Variants in CLMN observed in about 807,000 individuals in gnomAD.
CLMN encodes calmin, also known as calmin (calponin-like, transmembrane).
Under a neutral mutation model 92.7 loss-of-function variants are expected in CLMN, and 57 were observed. That is an observed-to-expected ratio of 0.61 (90% CI 0.50 to 0.77). The LOEUF (loss-of-function observed/expected upper bound fraction) is 0.77. Ranked by LOEUF, CLMN falls within the 30% of genes least tolerant of loss-of-function variation. CLMN has a pLI of 0.00. For synonymous variants in CLMN, 466 were observed against 470.6 expected, an observed-to-expected ratio of 0.99 and a Z score of 0.13; for missense variants, 1,158 against 1,237.5, an observed-to-expected ratio of 0.94 and a Z score of 0.96.
chr14:95,310,077 A>G (rs1232128288), intron 1 of CLMN, among the ~76,000 whole-genome samples: 2 of 152,102 alleles, frequency 1.3e-5, no homozygotes, highest in Non-Finnish European at 2.9e-5. Context: ...TCAGGTTGAA[A>G]TGTGATCCGC....
chr14:95,215,229 C>T (rs934067598), intron 5 of CLMN, among the ~76,000 whole-genome samples: 23 of 152,210 alleles, frequency 1.5e-4, no homozygotes, highest in African/African-American at 4.8e-4. Flanking sequence ...AATAAGGTCT[C>T]GCCTGTTATT....
intron 4 of CLMN, among the ~76,000 whole-genome samples, chr14:95,219,867 G>A (rs912990593): frequency 2.6e-5 from 4 of 152,068 alleles, no homozygotes; most frequent in African/African-American, 9.7e-5. Flanking sequence ...GTAGTGTATT[G>A]AAAGATGTAT....
intron 1 of CLMN, 93 bp from the exon 2 acceptor site, chr14:95,230,226 C>A: frequency 3.5e-6 from 4 of 1,146,306 alleles, no homozygotes; most frequent in Non-Finnish European, 4.0e-6. Flanking sequence ...AGGTGGAGGG[C>A]AGACAGAACC....
intron 9 of CLMN, among the ~76,000 whole-genome samples, chr14:95,198,845 C>G (rs1896797413): frequency 6.6e-6 from 1 of 152,206 alleles, no homozygotes; most frequent in African/African-American, 2.4e-5. Context: ...TTTTCACAGG[C>G]CACATCCAAT....
At chr14:95,270,288 A>T (rs1289724888) in intron 1 of CLMN, among the ~76,000 whole-genome samples, 2 of 152,222 alleles carry the variant, frequency 1.3e-5, no homozygotes, top group Admixed American at 6.5e-5. Flanking sequence ...TTTTTTTTTA[A>T]GATATAATTC....
intron 1 of CLMN, among the ~76,000 whole-genome samples, chr14:95,287,084 A>T (rs1247588308): frequency 1.3e-5 from 2 of 152,202 alleles, no homozygotes; most frequent in Non-Finnish European, 2.9e-5. Flanking sequence ...GCCTTGCCTG[A>T]AGGGCCCCTT....
At chr14:95,209,520 C>T (rs748154490) in intron 7 of CLMN, 43 bp from the exon 8 acceptor site, 2 of 1,462,958 alleles carry the variant, frequency 1.4e-6, no homozygotes, top group South Asian at 1.1e-5. Context: ...TACAAACACA[C>T]ACGCTTTCAA....
intron 1 of CLMN, among the ~76,000 whole-genome samples, chr14:95,279,883 G>A (rs1347520616): frequency 2.0e-5 from 3 of 151,926 alleles, no homozygotes; most frequent in South Asian, 2.1e-4. Flanking sequence ...ATATTGAGAC[G>A]ACTAAAGAAA....
At position 95,184,587 on chromosome 14, in the gene CLMN, A is replaced by C. The variant is rs916336211; in HGVS notation, c.*6977T>G. ...GATGTGTTCTCATCAAGGTTCTCAG[A>C]ACAAGTTCTAAACACAAAGAAGCCA... On this transcript the variant is annotated 3_prime_UTR_variant, in exon 13 of 13. Coordinates refer to ENST00000298912, the MANE Select transcript of CLMN (RefSeq NM_024734.4). The C allele has an allele frequency of 6.6e-6, 1 of 152,216 alleles. No individual in the cohort carries two copies. The highest frequency in any genetic ancestry group is 2.4e-5 in the African/African-American group (1 of 41,458). The allele number at this position is 152,216 out of a possible 1,614,324, so 9.4% of individuals were successfully genotyped here.
At chr14:95,198,154 A>C (rs978985407) in intron 9 of CLMN, among the ~76,000 whole-genome samples, 6 of 133,724 alleles carry the variant, frequency 4.5e-5, no homozygotes, top group Admixed American at 3.5e-4. Flanking sequence ...GGTTTAAGTG[A>C]TTTTTCTGCC....
chr14:95,251,437 T>C (rs867438715), intron 1 of CLMN, among the ~76,000 whole-genome samples: 1 of 152,196 alleles, frequency 6.6e-6, no homozygotes, highest in Non-Finnish European at 1.5e-5. Context: ...ATTCTGAATG[T>C]CTTCGATTGT....
intron 5 of CLMN, among the ~76,000 whole-genome samples, chr14:95,215,224 G>A (rs1897302011): frequency 6.6e-6 from 1 of 152,144 alleles, no homozygotes; most frequent in East Asian, 1.9e-4. Context: ...AGAACAATAA[G>A]GTCTCGCCTG....
At position 95,193,983 on chromosome 14, in the gene CLMN, C is replaced by T. The variant is rs1051093357; in HGVS notation, c.2770-64G>A. The T allele has an allele frequency of 5.3e-5, 85 of 1,593,102 alleles. 1 individual carries two copies. The Middle Eastern group carries it at 1.5e-3, about 28-fold the overall frequency. Reference sequence around the variant, plus strand: ...ATTAGTAAAGATGAAATCTCTGAAACAGAAGATAAAACGATTTTAAACACA... The same window carrying T: ...ATTAGTAAAGATGAAATCTCTGAAATAGAAGATAAAACGATTTTAAACACA... On this transcript the variant is annotated intron_variant, in intron 11 of 12. Transcript: ENST00000298912.
chr14:95,185,761 C>G lies in CLMN; in HGVS notation c.*5803G>C, dbSNP rs796139344. The G allele has an allele frequency of 2.6e-5, 4 of 152,034 alleles. No homozygotes were observed. The highest frequency in any genetic ancestry group is 7.2e-5 in the African/African-American group (3 of 41,460). 9.4% of individuals were successfully genotyped at this position (152,034 alleles called of 1,614,324 possible). A position where few individuals can be genotyped will look rare whatever the true frequency, so the allele number is the denominator to read the frequency against. ...GCAGTGGAGACCCCCAGGAAGGTGTCTCCAAGCAGAAGGGAGAGAGAGGCC... is the reference window on the plus strand; with the variant it reads ...GCAGTGGAGACCCCCAGGAAGGTGTGTCCAAGCAGAAGGGAGAGAGAGGCC... On this transcript the variant is annotated 3_prime_UTR_variant, in exon 13 of 13. Transcript: ENST00000298912.
chr14:95,196,506 A>G lies in CLMN; in HGVS notation c.2700T>C (p.Ile900=). The change falls in exon 10 of 13, where the codon ATT becomes ATC. Residue 900 remains isoleucine (I), a synonymous_variant. Coordinates refer to ENST00000298912, the MANE Select transcript of CLMN (RefSeq NM_024734.4). ...DLEEDSSDYS[I]PSRTSHSDSS... ...AGAGATGAATAAAATACCTGGAAGG[A>G]ATGCTGTAGTCGCTACTGTCTTCTT... 6.2e-7 allele frequency: 1 copy of G among 1,608,746 alleles called. No individual in the cohort carries two copies. The highest frequency in any genetic ancestry group is 8.5e-7 in the Non-Finnish European group (1 of 1,178,586).
chr14:95,211,009 C>G, intron 6 of CLMN, 130 bp from the exon 7 acceptor site: 1 of 834,256 alleles, frequency 1.2e-6, no homozygotes, highest in Non-Finnish European at 1.8e-6. Flanking sequence ...GGTGAAGACG[C>G]CTTCATCCCT....
chr14:95,315,527 G>A (rs935816321), intron 1 of CLMN, among the ~76,000 whole-genome samples: 43 of 152,266 alleles, frequency 2.8e-4, no homozygotes, highest in African/African-American at 1.0e-3. Flanking sequence ...GCCTGAGCCA[G>A]TGGAACAAAA....
intron 1 of CLMN, among the ~76,000 whole-genome samples, chr14:95,273,309 C>A (rs1464525359): frequency 1.3e-5 from 2 of 152,162 alleles, no homozygotes; most frequent in Non-Finnish European, 2.9e-5. Context: ...AGAGGCCAGG[C>A]CTGGGGTGAG....
intron 8 of CLMN, among the ~76,000 whole-genome samples, chr14:95,206,482 C>T (rs1446541806): frequency 6.6e-6 from 1 of 152,146 alleles, no homozygotes; most frequent in Non-Finnish European, 1.5e-5. Flanking sequence ...ATGCATATGG[C>T]ACATTTACCA....
Sources: gnomAD v4.1 joint callset for allele counts (sites outside exome capture counted in the v4.1 genomes callset) on GRCh38, gnomAD v4.1.1 for gene constraint, MANE v1.5 for transcripts, NCBI Gene and HGNC (gene_info 2026-07-23, HGNC 2026-07-21) for gene names.